Variants in NBEA observed in about 807,000 individuals in gnomAD.
NBEA encodes lysosomal-trafficking regulator 2.
In NBEA, 44 loss-of-function variants were observed where a neutral mutation model predicts 343.4. The observed-to-expected ratio is 0.13, with a 90% CI of 0.10 to 0.16. The LOEUF is 0.16. NBEA is among the 10% of genes least tolerant of loss of function. The probability of loss-of-function intolerance (pLI) is 1.00; values close to 1 mark genes in which losing one functional copy is unlikely to be tolerated. For synonymous variants in NBEA, 1,175 were observed against 1,238.7 expected, an observed-to-expected ratio of 0.95 and a Z score of 1.08; for missense variants, 2,555 against 3,631.3, an observed-to-expected ratio of 0.70 and a Z score of 7.62.
chr13:35,462,716 A>ATCCT (rs780728793), intron 40 of NBEA, among the ~76,000 whole-genome samples: 1,599 of 152,286 alleles, frequency 0.011, 19 homozygotes, highest in Non-Finnish European at 0.015. Flanking sequence ...TGTTTTCCAA[A>ATCCT]GCAGCAGTGA....
Position 35,195,948 on chromosome 13 carries a change from C to A in NBEA, c.5012C>A (p.Pro1671His). Reference sequence around the variant, plus strand: ...GATATTCAGGTAGAAAGTTCAATTCCCCATACAGATTCAGGAATTGGAGAG... The same window carrying A: ...GATATTCAGGTAGAAAGTTCAATTCACCATACAGATTCAGGAATTGGAGAG... ...GEDIQVESSI[P>H]HTDSGIGEEQ... is the part of the protein sequence containing the mutation. Residue 1671 changes from proline to histidine, a missense_variant, in exon 31 of 59, where the codon CCC becomes CAC. Physicochemically the swap from Pro to His is moderately conservative, Grantham distance 77. Around this residue, in one of 21 missense-constraint regions of NBEA, gnomAD observed 270 missense variants for 293.3 expected, o/e 0.92. Coordinates refer to ENST00000379939, the MANE Select transcript of NBEA (RefSeq NM_001385012.1). 6.2e-7 allele frequency: 1 copy of A among 1,613,442 alleles called. No homozygotes were observed. The highest frequency in any genetic ancestry group is 8.5e-7 in the Non-Finnish European group (1 of 1,179,640).
chr13:35,099,253 C>T (rs1329337255), intron 11 of NBEA, among the ~76,000 whole-genome samples: 1 of 139,568 alleles, frequency 7.2e-6, no homozygotes, highest in Non-Finnish European at 1.5e-5. Context: ...GGCTGGAGTG[C>T]ACTGGCTCAA....
At chr13:35,376,192 G>A (rs908446744) in intron 38 of NBEA, among the ~76,000 whole-genome samples, 2 of 152,040 alleles carry the variant, frequency 1.3e-5, no homozygotes, top group African/African-American at 2.4e-5. Context: ...TTTCCATTAC[G>A]GGTGCTGTTG....
chr13:35,601,350 T>C (rs1354498510), intron 47 of NBEA, among the ~76,000 whole-genome samples: 1 of 152,178 alleles, frequency 6.6e-6, no homozygotes, highest in Admixed American at 6.5e-5. Flanking sequence ...CTTAGCAAGA[T>C]AGACAAGGTC....
At chr13:35,009,492 C>T (rs1398792455) in intron 1 of NBEA, among the ~76,000 whole-genome samples, 1 of 151,994 alleles carries the variant, frequency 6.6e-6, no homozygotes, top group Non-Finnish European at 1.5e-5. Context: ...TATAAAGACC[C>T]CGAGTCAAAA....
At chr13:35,149,927 G>A (rs533668773) in intron 18 of NBEA, among the ~76,000 whole-genome samples, 2 of 152,246 alleles carry the variant, frequency 1.3e-5, no homozygotes, top group African/African-American at 4.8e-5. Flanking sequence ...CACAAGTACA[G>A]CAGCGTTTTT....
intron 55 of NBEA, among the ~76,000 whole-genome samples, chr13:35,662,253 G>C (rs376274487): frequency 6.6e-6 from 1 of 152,188 alleles, no homozygotes; most frequent in Non-Finnish European, 1.5e-5. Context: ...AAAATTGGAC[G>C]TGTTTGTTCT....
chr13:34,954,007 C>T (rs2059420426), intron 1 of NBEA, among the ~76,000 whole-genome samples: 1 of 152,190 alleles, frequency 6.6e-6, no homozygotes, highest in Non-Finnish European at 1.5e-5. Context: ...CAAAACCATT[C>T]CCCCTGAACC....
intron 41 of NBEA, among the ~76,000 whole-genome samples, chr13:35,488,520 A>G (rs2076385309): frequency 6.6e-6 from 1 of 151,916 alleles, no homozygotes; most frequent in Non-Finnish European, 1.5e-5. Context: ...GGTTTCCCAC[A>G]TGCTTGATCA....
chr13:35,519,403 C>T (rs2077608712), intron 41 of NBEA, among the ~76,000 whole-genome samples: 1 of 152,122 alleles, frequency 6.6e-6, no homozygotes, highest in African/African-American at 2.4e-5. Context: ...TGGGATCATA[C>T]AAGTCCCTTT....
intron 39 of NBEA, among the ~76,000 whole-genome samples, chr13:35,445,572 A>G (rs894704631): frequency 1.3e-5 from 2 of 151,782 alleles, no homozygotes; most frequent in Non-Finnish European, 2.9e-5. Flanking sequence ...ACTTATGAGG[A>G]AACTGTAAAG....
At chr13:35,532,925 T>C (rs1302454594) in intron 41 of NBEA, among the ~76,000 whole-genome samples, 4 of 152,122 alleles carry the variant, frequency 2.6e-5, no homozygotes, top group Non-Finnish European at 4.4e-5. Context: ...TTCATGTGCA[T>C]AGCTTATTAT....
intron 49 of NBEA, among the ~76,000 whole-genome samples, chr13:35,642,217 G>T (rs1411957177): frequency 1.3e-5 from 2 of 152,054 alleles, no homozygotes; most frequent in East Asian, 3.9e-4. Flanking sequence ...TAAGTAAAAA[G>T]TCACTATGAT....
Position 35,593,460 on chromosome 13 carries a change from A to G in NBEA, c.7296+13A>G. 1 of 1,584,144 alleles carries G rather than the reference A, an allele frequency of 6.3e-7. No individual in the cohort carries two copies. ...TTCTGATGTAAAGGTAGGCTCTTTTATTTGTTGATATTCATTAAATTTCAA... is the reference window on the plus strand; with the variant it reads ...TTCTGATGTAAAGGTAGGCTCTTTTGTTTGTTGATATTCATTAAATTTCAA... On this transcript the variant is annotated intron_variant, in intron 47 of 58. Coordinates refer to ENST00000379939, the MANE Select transcript of NBEA (RefSeq NM_001385012.1).
At chr13:35,475,092 G>T (rs775644700) in intron 41 of NBEA, 4 of 1,613,930 alleles carry the variant, frequency 2.5e-6, no homozygotes, top group African/African-American at 2.7e-5. Context: ...GGTTGGTCAG[G>T]ATCTCTCTTG....
chr13:34,996,303 A>C (rs1254256610), intron 1 of NBEA, among the ~76,000 whole-genome samples: 1 of 152,140 alleles, frequency 6.6e-6, no homozygotes, highest in African/African-American at 2.4e-5. Flanking sequence ...CTGTTGATAG[A>C]GTCTTTATTA....
In NBEA at chr13:35,060,463, G is replaced by A. The variant is rs140528259; in HGVS notation, c.1239+1600G>A. Among the ~76,000 whole-genome samples the A allele has an allele frequency of 1.5e-3, 222 of 151,808 alleles. 1 individual carries two copies. Among genetic ancestry groups the A allele is most frequent in the African/African-American group, 4.9e-3 (203 of 41,500 alleles). ...ATGTGTACACAGCTCATGTGACATA[G>A]TGTATCCTTAGTATCCTAACACACA... is the stretch of plus-strand genomic sequence containing the variant. On this transcript the variant is annotated intron_variant, in intron 8 of 58. Coordinates refer to ENST00000379939, the MANE Select transcript of NBEA (RefSeq NM_001385012.1).
In NBEA at chr13:35,606,454, C is replaced by T; in HGVS notation, c.7325C>T (p.Pro2442Leu). 6.4e-7 allele frequency: 1 copy of T among 1,557,938 alleles called. No individual in the cohort carries two copies. Among genetic ancestry groups the T allele is most frequent in the Non-Finnish European group, 8.7e-7 (1 of 1,147,862 alleles). The change falls in exon 48 of 59, where the codon CCA becomes CTA. Residue 2442 changes from proline (P) to leucine (L), a missense_variant. Physicochemically the swap from Pro to Leu is moderately conservative, Grantham distance 98. Around this residue, in one of 21 missense-constraint regions of NBEA, gnomAD observed 156 missense variants for 185.8 expected, o/e 0.84. Transcript: ENST00000379939. ...CTAATTCCAGAGTTCTACTACCTAC[C>T]AGAGATGTTTGTCAACAGTAATGGA... ...KELIPEFYYL[P>L]EMFVNSNGYN...
At chr13:35,337,317 C>T (rs571418165) in intron 36 of NBEA, among the ~76,000 whole-genome samples, 11 of 152,062 alleles carry the variant, frequency 7.2e-5, no homozygotes, top group East Asian at 1.9e-4. Context: ...GATTTTAAAA[C>T]GTATTCCATA....
Sources: gnomAD v4.1 joint callset for allele counts (sites outside exome capture counted in the v4.1 genomes callset) on GRCh38, gnomAD v4.1.1 for gene constraint, gnomAD v4.1.1 regional missense constraint, MANE v1.5 for transcripts, NCBI Gene and HGNC (gene_info 2026-07-23, HGNC 2026-07-21) for gene names.